The following OR8B2 variants were observed in gnomAD, a reference collection of about 807,000 sequenced individuals.
The protein encoded by OR8B2 is olfactory receptor family 8 subfamily B member 2.
For missense variants in OR8B2, 304 were observed against 379.6 expected, an observed-to-expected ratio of 0.80 and a Z score of 1.65; for synonymous variants, 98 against 138.2, an observed-to-expected ratio of 0.71 and a Z score of 2.04.
chr11:124,387,966 G>A (rs1316026096), upstream of OR8B2, among the ~76,000 whole-genome samples: 1 of 151,370 alleles, frequency 6.6e-6, no homozygotes, highest in Non-Finnish European at 1.5e-5. Context: ...CCTTGAAGAG[G>A]TCCTTCACAT....
upstream of OR8B2, among the ~76,000 whole-genome samples, chr11:124,385,737 C>T (rs1455108325): frequency 1.3e-5 from 2 of 150,956 alleles, no homozygotes; most frequent in East Asian, 1.9e-4. Context: ...CTCAATAGAT[C>T]GTCCCACCTC....
the OR8B2 span, among the ~76,000 whole-genome samples, chr11:124,390,153 A>G: frequency 5.3e-5 from 8 of 152,138 alleles, no homozygotes; most frequent in African/African-American, 1.4e-4. Flanking sequence ...AAGGAGACCA[A>G]CCAGAAGGCC....
At chr11:124,392,870 A>G in the OR8B2 span, among the ~76,000 whole-genome samples, 1 of 150,358 alleles carries the variant, frequency 6.7e-6, no homozygotes, top group Non-Finnish European at 1.5e-5. Flanking sequence ...ACTATACTAC[A>G]AGGCTACAGT....
At chr11:124,387,840 C>G (rs199573098), upstream of OR8B2, among the ~76,000 whole-genome samples, 2 of 135,830 alleles carry the variant, frequency 1.5e-5, no homozygotes, top group African/African-American at 2.7e-5. Context: ...ATCTATAAAT[C>G]ACCTTGGGCA....
the OR8B2 span, chr11:124,396,355 C>G: frequency 7.0e-7 from 1 of 1,428,284 alleles, no homozygotes; most frequent in South Asian, 1.4e-5. Flanking sequence ...CTTCATGGAA[C>G]ACACTAATAA....
At chr11:124,386,200 C>A (rs1381366630), upstream of OR8B2, among the ~76,000 whole-genome samples, 1 of 150,972 alleles carries the variant, frequency 6.6e-6, no homozygotes, top group Non-Finnish European at 1.5e-5. Flanking sequence ...GGAGCGAACA[C>A]CATTTTTATT....
chr11:124,396,271 T>G, the OR8B2 span: 1 of 846,432 alleles, frequency 1.2e-6, no homozygotes, highest in Non-Finnish European at 1.8e-6. Context: ...AGAGACAAGA[T>G]GATTTCATAA....
At position 124,382,775 on chromosome 11, in the gene OR8B2, G is replaced by A. The variant is rs1860617134; in HGVS notation, c.569C>T (p.Thr190Ile). 8 of 1,613,114 alleles carry A rather than the reference G, an allele frequency of 5.0e-6. No individual in the cohort carries two copies. Among genetic ancestry groups the A allele is most frequent in the African/African-American group, 2.7e-5 (2 of 74,970 alleles). The change falls in exon 2 of 2, where the codon ACC becomes ATC. Residue 190 changes from threonine (T) to isoleucine (I), a missense_variant. Coordinates refer to ENST00000641451, the MANE Select transcript of OR8B2 (RefSeq NM_001005468.2). ...AACCACCTCGTTGACATAGGTGCTG[G>A]TGCAGGAAAGCTGGAGGAGGGGGAG... ...DILPLLQLSC[T>I]STYVNEVVVL...
chr11:124,383,077 C>G lies in OR8B2; in HGVS notation c.267G>C (p.Lys89Asn). The G allele has an allele frequency of 6.2e-7, 1 of 1,613,810 alleles. No homozygotes were observed. The highest frequency in any genetic ancestry group is 8.5e-7 in the Non-Finnish European group (1 of 1,179,842). Reference sequence around the variant, plus strand: ...TGCACCCAACATTGGAGATAATATTCTTTTTTGACACAAAGTTCATTAGCA... The same window carrying G: ...TGCACCCAACATTGGAGATAATATTGTTTTTTGACACAAAGTTCATTAGCA... Reference protein sequence around the residue: ...PKMLMNFVSKKNIISNVGCMT... With the variant: ...PKMLMNFVSKNNIISNVGCMT... The change falls in exon 2 of 2, where the codon AAG (lysine) becomes AAC (asparagine). Residue 89 changes from lysine to asparagine, a missense_variant. Transcript: ENST00000641451.
chr11:124,385,502 GTGTGTGTGTGTGTGTGTGTGTC>G (rs1037206392), upstream of OR8B2, among the ~76,000 whole-genome samples: 8 of 150,658 alleles, frequency 5.3e-5, no homozygotes, highest in African/African-American at 1.7e-4. Context: ...GTGTGTGTGT[GTGTGTGTGTGTGTGTGTGTGTC>G]TGTGTGTGTG....
chr11:124,383,388 G>A (rs1269335088), intron 1 of OR8B2, 28 bp from the exon 2 acceptor site: 1 of 1,495,368 alleles, frequency 6.7e-7, no homozygotes, highest in Non-Finnish European at 9.0e-7. Flanking sequence ...AATTCTATTA[G>A]GAACACAGAT....
chr11:124,391,083 T>A, the OR8B2 span, among the ~76,000 whole-genome samples: 3 of 152,188 alleles, frequency 2.0e-5, no homozygotes, highest in Non-Finnish European at 4.4e-5. Context: ...CTATTCTATC[T>A]CATAGACTTG....
the OR8B2 span, among the ~76,000 whole-genome samples, chr11:124,391,499 A>C: frequency 1.3e-5 from 2 of 152,118 alleles, no homozygotes; most frequent in Admixed American, 6.5e-5. Flanking sequence ...CTACGCAAAT[A>C]AACTAGAAAA....
chr11:124,386,306 T>C (rs972823392), upstream of OR8B2, among the ~76,000 whole-genome samples: 6 of 150,690 alleles, frequency 4.0e-5, no homozygotes, highest in African/African-American at 1.2e-4. Context: ...GTGCACAATG[T>C]GCAGGTTAGT....
upstream of OR8B2, among the ~76,000 whole-genome samples, chr11:124,386,372 G>T (rs1860700746): frequency 7.1e-6 from 1 of 141,752 alleles, no homozygotes; most frequent in African/African-American, 2.7e-5. Context: ...TCCTCATTTA[G>T]CATTAGGTAT....
upstream of OR8B2, among the ~76,000 whole-genome samples, chr11:124,385,504 G>A (rs898627461): frequency 6.6e-6 from 1 of 151,544 alleles, no homozygotes; most frequent in Non-Finnish European, 1.5e-5. Flanking sequence ...GTGTGTGTGT[G>A]TGTGTGTGTG....
the OR8B2 span, chr11:124,396,208 C>T: frequency 1.8e-6 from 1 of 541,180 alleles, no homozygotes. Flanking sequence ...ACAAAGATGC[C>T]ATGACCTATT....
At chr11:124,388,879 T>C (rs1421153922), upstream of OR8B2, among the ~76,000 whole-genome samples, 1 of 148,006 alleles carries the variant, frequency 6.8e-6, no homozygotes, top group Non-Finnish European at 1.5e-5. Context: ...CAGGCTGGAG[T>C]GCAGTGGAGT....
the OR8B2 span, chr11:124,396,046 A>G: frequency 5.8e-6 from 1 of 172,670 alleles, no homozygotes; most frequent in South Asian, 1.6e-4. Context: ...TGCTTCTATC[A>G]TATTTGGCAC....
Sources: allele counts gnomAD v4.1 joint callset (sites outside exome capture counted in the v4.1 genomes callset), GRCh38; gene constraint gnomAD v4.1.1; transcripts MANE v1.5; gene names NCBI Gene and HGNC (gene_info 2026-07-23, HGNC 2026-07-21).